The following CHSY3 variants were observed in gnomAD, a reference collection of about 807,000 sequenced individuals.
CHSY3 encodes chondroitin sulfate synthase 3.
Under a neutral mutation model 67.2 loss-of-function variants are expected in CHSY3, and 35 were observed. The ratio of observed to expected loss-of-function variants is 0.52; its 90% CI spans 0.40 to 0.69. CHSY3 has a LOEUF of 0.69. CHSY3 is among the 30% of genes least tolerant of loss of function. The probability of loss-of-function intolerance (pLI) is 0.00; values close to 1 mark genes in which losing one functional copy is unlikely to be tolerated. For synonymous variants in CHSY3, 474 were observed against 434.7 expected, an observed-to-expected ratio of 1.09 and a Z score of -1.12; for missense variants, 1,069 against 1,138.5, an observed-to-expected ratio of 0.94 and a Z score of 0.88.
intron 2 of CHSY3, among the ~76,000 whole-genome samples, chr5:130,020,449 A>T (rs1237466400): frequency 3.7e-4 from 5 of 13,354 alleles, no homozygotes; most frequent in Non-Finnish European, 4.3e-4. Context: ...ATATATATAT[A>T]TATATATATA....
intron 2 of CHSY3, among the ~76,000 whole-genome samples, chr5:129,926,877 C>T (rs182296317): frequency 4.6e-5 from 7 of 151,804 alleles, no homozygotes; most frequent in South Asian, 2.1e-4. Flanking sequence ...TTCTGCATGT[C>T]GATTGTCTAA....
chr5:130,110,508 C>A (rs536596151), intron 2 of CHSY3, among the ~76,000 whole-genome samples: 4 of 151,918 alleles, frequency 2.6e-5, no homozygotes, highest in Non-Finnish European at 5.9e-5. Context: ...AAACCACAGT[C>A]TAATCTTTGG....
At chr5:130,172,196 C>T (rs75658804) in intron 2 of CHSY3, among the ~76,000 whole-genome samples, 6,067 of 151,634 alleles carry the variant, frequency 0.04, 343 homozygotes, top group East Asian at 0.25. Context: ...ACATTTATAA[C>T]GAAGTATATT....
Position 130,184,752 on chromosome 5 carries a change from A to T in CHSY3, c.1610A>T (p.Tyr537Phe). 1.2e-6 allele frequency: 2 copies of T among 1,603,722 alleles called. No homozygotes were observed. Among genetic ancestry groups the T allele is most frequent in the Non-Finnish European group, 1.7e-6 (2 of 1,170,516 alleles). ...RRVNPMHGVE[Y>F]ILDLLLLYKR... ...GTTAACCCCATGCACGGGGTGGAGT[A>T]CATTTTGGATTTACTCCTTTTATAC... The change falls in exon 3 of 3, where the codon TAC becomes TTC. Residue 537 changes from tyrosine to phenylalanine, a missense_variant. Around this residue, in one of 5 missense-constraint regions of CHSY3, gnomAD observed 401 missense variants for 395.2 expected, o/e 1.01. Coordinates refer to ENST00000305031, the MANE Select transcript of CHSY3 (RefSeq NM_175856.5).
Position 130,184,539 on chromosome 5 carries a change from G to C in CHSY3, c.1397G>C (p.Trp466Ser). 1 of 1,609,634 alleles carries C rather than the reference G, an allele frequency of 6.2e-7. No individual in the cohort carries two copies. Among genetic ancestry groups the C allele is most frequent in the Non-Finnish European group, 8.5e-7 (1 of 1,175,940 alleles). ...QPRERNEVIE[W>S]EFLTGKLLYS... is the part of the protein sequence containing the mutation. ...CGGGAGAGAAATGAAGTGATAGAATGGGAGTTCCTGACAGGGAAGCTTCTA... is the reference window on the plus strand; with the variant it reads ...CGGGAGAGAAATGAAGTGATAGAATCGGAGTTCCTGACAGGGAAGCTTCTA... The change falls in exon 3 of 3, where the codon TGG (tryptophan) becomes TCG (serine). Residue 466 changes from tryptophan to serine, a missense_variant. Physicochemically the swap from Trp to Ser is radical, Grantham distance 177. Coordinates refer to ENST00000305031, the MANE Select transcript of CHSY3 (RefSeq NM_175856.5).
intron 2 of CHSY3, among the ~76,000 whole-genome samples, chr5:130,176,790 A>G (rs1770067560): frequency 6.6e-6 from 1 of 152,132 alleles, no homozygotes; most frequent in African/African-American, 2.4e-5. Flanking sequence ...GAGTTGAACA[A>G]TGAGAACACA....
chr5:129,904,302 G>T (rs867959264), upstream of CHSY3, among the ~76,000 whole-genome samples: 2 of 152,106 alleles, frequency 1.3e-5, no homozygotes, highest in Non-Finnish European at 2.9e-5. Context: ...TCCAAGGGCG[G>T]GTGACGGGGA....
intron 2 of CHSY3, among the ~76,000 whole-genome samples, chr5:130,024,970 T>G (rs912348317): frequency 1.3e-5 from 2 of 152,162 alleles, no homozygotes; most frequent in African/African-American, 2.4e-5. Flanking sequence ...TATTAGTCTA[T>G]TTTTATTGAT....
At chr5:130,168,938 A>G (rs188271099) in intron 2 of CHSY3, among the ~76,000 whole-genome samples, 7 of 152,204 alleles carry the variant, frequency 4.6e-5, no homozygotes, top group Admixed American at 4.6e-4. Flanking sequence ...TGCTCTATCT[A>G]TAGTAACTGA....
At chr5:129,954,732 C>A (rs993426410) in intron 2 of CHSY3, among the ~76,000 whole-genome samples, 6 of 152,112 alleles carry the variant, frequency 3.9e-5, no homozygotes, top group African/African-American at 1.4e-4. Flanking sequence ...GTAATTTATT[C>A]TCTTGGTAGC....
chr5:130,023,687 C>T (rs1009146255), intron 2 of CHSY3, among the ~76,000 whole-genome samples: 1 of 151,934 alleles, frequency 6.6e-6, no homozygotes, highest in African/African-American at 2.4e-5. Flanking sequence ...AAACCATCAT[C>T]ACAGGGTTTT....
chr5:129,940,766 T>C (rs1450734708), intron 2 of CHSY3, among the ~76,000 whole-genome samples: 2 of 151,920 alleles, frequency 1.3e-5, no homozygotes, highest in African/African-American at 2.4e-5. Context: ...GTAGACTTTA[T>C]ATATACATAT....
chr5:130,025,652 A>G (rs1380603163), intron 2 of CHSY3, among the ~76,000 whole-genome samples: 2 of 151,374 alleles, frequency 1.3e-5, no homozygotes, highest in Admixed American at 6.6e-5. Context: ...GTGTCTGTTG[A>G]AGGCCTGGTT....
intron 2 of CHSY3, among the ~76,000 whole-genome samples, chr5:130,133,828 A>G (rs1972530): frequency 0.84 from 121,620 of 144,208 alleles, 51,897 homozygotes; most frequent in East Asian, 1. Flanking sequence ...AACCTAAGAG[A>G]GAGAGCAGCA....
chr5:129,951,107 T>C (rs997376608), intron 2 of CHSY3, among the ~76,000 whole-genome samples: 5 of 152,144 alleles, frequency 3.3e-5, no homozygotes, highest in African/African-American at 4.8e-5. Flanking sequence ...GGTCAACTAG[T>C]CTTTGACAAA....
At chr5:130,130,999 T>G (rs2149713774) in intron 2 of CHSY3, among the ~76,000 whole-genome samples, 1 of 152,312 alleles carries the variant, frequency 6.6e-6, no homozygotes, top group Non-Finnish European at 1.5e-5. Context: ...TTTTCATCTC[T>G]ATTCCTTTTT....
rs1173494366 is a variant in CHSY3 at position 130,158,971 on chromosome 5, T to C, written c.1087-25258T>C. Among the ~76,000 whole-genome samples the C allele has an allele frequency of 2.0e-5, 3 of 151,884 alleles. No homozygotes were observed. The East Asian group carries it at 5.8e-4, about 29-fold the overall frequency. On this transcript the variant is annotated intron_variant, in intron 2 of 2. Coordinates refer to ENST00000305031, the MANE Select transcript of CHSY3 (RefSeq NM_175856.5). ...ATGTGCTACCACGTCCTGCTAATTT[T>C]TCTATTTTTTGTAGAGACGCAGTTT...
rs35540828 is a variant in CHSY3 at position 129,997,121 on chromosome 5, TAA to T, written c.1086+88775_1086+88776del. Among the ~76,000 whole-genome samples the T allele has an allele frequency of 9.8e-3, 1,433 of 145,742 alleles. 21 individuals carry two copies. The highest frequency in any genetic ancestry group is 0.034 in the African/African-American group (1,342 of 39,894). On this transcript the variant is annotated intron_variant, in intron 2 of 2. Transcript: ENST00000305031. ...TATTTCTCAGATGATTCAAAGCATT[TAA>T]AAAAAAAAAAAAACTCTAGCTCTTC...
At chr5:129,968,186 G>T (rs2149611987) in intron 2 of CHSY3, among the ~76,000 whole-genome samples, 1 of 151,866 alleles carries the variant, frequency 6.6e-6, no homozygotes, top group Admixed American at 6.6e-5. Context: ...AATTCCATTA[G>T]AGTGATATCT....
Sources: allele counts gnomAD v4.1 joint callset (sites outside exome capture counted in the v4.1 genomes callset), GRCh38; gene constraint gnomAD v4.1.1; regional missense constraint gnomAD v4.1.1; transcripts MANE v1.5; gene names NCBI Gene and HGNC (gene_info 2026-07-23, HGNC 2026-07-21).